NELL1: variants seen among roughly 807,000 people sequenced by gnomAD.
NELL1 encodes protein kinase C-binding protein NELL1.
NELL1 carries 76 observed loss-of-function variants against 107.4 expected under a neutral mutation model. The ratio of observed to expected loss-of-function variants is 0.71; its 90% confidence interval spans 0.59 to 0.86. The LOEUF (loss-of-function observed/expected upper bound fraction) is 0.86, where lower values mean the gene tolerates loss of function less well. NELL1 is among the 40% of genes least tolerant of loss of function. The probability of loss-of-function intolerance (pLI) is 0.00; values close to 1 mark genes in which losing one functional copy is unlikely to be tolerated. For synonymous variants in NELL1, 353 were observed against 341.2 expected (o/e 1.03, Z -0.38); for missense variants, 1,024 against 1,005.5 (o/e 1.02, Z -0.25).
chr11:20,760,953 A>C (rs932549426), intron 2 of NELL1, among the ~76,000 whole-genome samples: 1 of 152,172 alleles, frequency 6.6e-6, no homozygotes, highest in Admixed American at 6.5e-5. Flanking sequence ...AGCTTCTCAG[A>C]GTGCCAAAAG....
chr11:21,395,939 G>A lies in NELL1; in HGVS notation c.1645+24991G>A, dbSNP rs780063835. The stretch of plus-strand genomic sequence containing the variant: ...AACAAAAAAAGATCAACATTAGCTG[G>A]GATGACATGTAACCTAGAGAGACCA... On this transcript the variant is annotated intron_variant, in intron 15 of 19. Transcript: ENST00000357134. Among the ~76,000 whole-genome samples the A allele has an allele frequency of 3.3e-5, 5 of 151,564 alleles. No individual in the cohort carries two copies. The East Asian group carries it at 5.9e-4, about 18-fold the overall frequency.
intron 14 of NELL1, among the ~76,000 whole-genome samples, chr11:21,271,759 T>TA (rs1848744509): frequency 6.6e-6 from 1 of 152,136 alleles, no homozygotes; most frequent in South Asian, 2.1e-4. Flanking sequence ...GACAGTTATT[T>TA]AAAAAAATAC....
intron 2 of NELL1, among the ~76,000 whole-genome samples, chr11:20,751,877 A>G (rs1315474758): frequency 1.3e-5 from 2 of 152,126 alleles, no homozygotes; most frequent in South Asian, 2.1e-4. Context: ...GTTTATTACT[A>G]TTTCATAGAA....
intron 16 of NELL1, among the ~76,000 whole-genome samples, chr11:21,556,724 T>A (rs1856719758): frequency 6.6e-6 from 1 of 151,958 alleles, no homozygotes; most frequent in Admixed American, 6.6e-5. Context: ...GAAAATTAGT[T>A]CTAATGCAAG....
chr11:20,929,134 G>C (rs1850562878), intron 9 of NELL1, among the ~76,000 whole-genome samples: 1 of 152,204 alleles, frequency 6.6e-6, no homozygotes, highest in Non-Finnish European at 1.5e-5. Context: ...GTGAGTGGCA[G>C]AGGTGAGACA....
At chr11:21,000,708 C>A (rs539157377) in intron 12 of NELL1, among the ~76,000 whole-genome samples, 3 of 152,262 alleles carry the variant, frequency 2.0e-5, no homozygotes, top group Admixed American at 6.5e-5. Flanking sequence ...GAAGATGAGG[C>A]TTTTGATAGA....
At chr11:20,704,331 GC>G (rs530035618) in intron 2 of NELL1, among the ~76,000 whole-genome samples, 181 of 152,076 alleles carry the variant, frequency 1.2e-3, no homozygotes, top group African/African-American at 4.3e-3. Context: ...TGCAACCCTT[GC>G]TTTTTTTTGT....
chr11:20,991,141 C>T (rs1851963308), intron 12 of NELL1, among the ~76,000 whole-genome samples: 1 of 152,226 alleles, frequency 6.6e-6, no homozygotes, highest in Non-Finnish European at 1.5e-5. Flanking sequence ...TGTGCCATCA[C>T]AAGGGGAGCA....
intron 3 of NELL1, among the ~76,000 whole-genome samples, chr11:20,793,651 C>A (rs1307683726): frequency 3.9e-5 from 6 of 152,108 alleles, no homozygotes; most frequent in Admixed American, 3.3e-4. Flanking sequence ...ATACAGCCCA[C>A]TGATATTGCT....
At chr11:20,758,897 C>T (rs1458044432) in intron 2 of NELL1, among the ~76,000 whole-genome samples, 1 of 152,126 alleles carries the variant, frequency 6.6e-6, no homozygotes, top group Non-Finnish European at 1.5e-5. Context: ...TTTTGTTCTT[C>T]TATTTTCTAG....
At chr11:21,425,219 A>G (rs930103625) in intron 15 of NELL1, among the ~76,000 whole-genome samples, 17 of 152,158 alleles carry the variant, frequency 1.1e-4, no homozygotes, top group African/African-American at 4.1e-4. Context: ...CAAATTCCCA[A>G]AGTCTTTTGT....
intron 11 of NELL1, among the ~76,000 whole-genome samples, chr11:20,954,130 A>G (rs189793029): frequency 1.4e-4 from 22 of 152,322 alleles, no homozygotes; most frequent in Admixed American, 1.4e-3. Flanking sequence ...ATAATAATTC[A>G]GCTTCATATA....
intron 2 of NELL1, among the ~76,000 whole-genome samples, chr11:20,697,880 CAA>C (rs1246490953): frequency 1.3e-5 from 2 of 152,178 alleles, no homozygotes; most frequent in Non-Finnish European, 2.9e-5. Flanking sequence ...ACCATTTTCA[CAA>C]AACCGTGCTT....
chr11:20,969,301 G>T (rs1851447547), intron 12 of NELL1, among the ~76,000 whole-genome samples: 1 of 152,080 alleles, frequency 6.6e-6, no homozygotes, highest in Non-Finnish European at 1.5e-5. Context: ...AAAATTCACA[G>T]TTTCCCCTGT....
chr11:20,814,642 T>TA (rs1857583866), intron 3 of NELL1, among the ~76,000 whole-genome samples: 2 of 152,216 alleles, frequency 1.3e-5, no homozygotes, highest in Non-Finnish European at 2.9e-5. Context: ...TTCTTTTTTT[T>TA]ATGTCTGCGT....
chr11:21,350,011 T>G (rs1266732667), intron 14 of NELL1, among the ~76,000 whole-genome samples: 2 of 152,158 alleles, frequency 1.3e-5, no homozygotes, highest in African/African-American at 4.8e-5. Flanking sequence ...CCAATAATTT[T>G]TAAAAATCTG....
At chr11:21,309,566 C>T (rs1285162771) in intron 14 of NELL1, among the ~76,000 whole-genome samples, 1 of 151,700 alleles carries the variant, frequency 6.6e-6, no homozygotes, top group Non-Finnish European at 1.5e-5. Context: ...TCATTCCAGT[C>T]GGTATTCTAA....
chr11:20,860,633 C>T (rs879874466), intron 4 of NELL1, among the ~76,000 whole-genome samples: 3 of 152,174 alleles, frequency 2.0e-5, no homozygotes, highest in Admixed American at 6.5e-5. Context: ...AAGGTGAAGA[C>T]GAAGTAATCC....
intron 4 of NELL1, among the ~76,000 whole-genome samples, chr11:20,876,756 C>A (rs1849311815): frequency 6.6e-6 from 1 of 151,966 alleles, no homozygotes; most frequent in South Asian, 2.1e-4. Flanking sequence ...GAGGGAGACT[C>A]CATCTCAAAA....
Sources: allele counts gnomAD v4.1 joint callset (sites outside exome capture counted in the v4.1 genomes callset), GRCh38; gene constraint gnomAD v4.1.1; transcripts MANE v1.5; gene names NCBI Gene and HGNC (gene_info 2026-07-23, HGNC 2026-07-21).